Variants in CYP2B6 observed in about 807,000 individuals in gnomAD.
CYP2B6 encodes cytochrome P450 family 2 subfamily B member 6.
CYP2B6 carries 35 observed loss-of-function variants against 43.4 expected under a neutral mutation model. That is an observed-to-expected ratio of 0.81 (90% CI 0.62 to 1.07). The LOEUF (loss-of-function observed/expected upper bound fraction) is 1.07, where lower values mean the gene tolerates loss of function less well. Ranked by LOEUF, CYP2B6 falls within the 50% of genes least tolerant of loss-of-function variation. The pLI, the probability that CYP2B6 is intolerant of heterozygous loss-of-function variation, is 0.00. For missense variants in CYP2B6, 624 were observed against 632.8 expected (o/e 0.99, Z 0.15); for synonymous variants, 239 against 239.2 (o/e 1.00, Z 0.01).
At chr19:40,998,350 T>G (rs1041911051) in intron 1 of CYP2B6, among the ~76,000 whole-genome samples, 3 of 152,126 alleles carry the variant, frequency 2.0e-5, no homozygotes, top group Admixed American at 2.0e-4. Flanking sequence ...AATATCCCAA[T>G]CCTTTACAAA....
In CYP2B6 at chr19:41,009,432, G is replaced by A. The variant is rs140257232; in HGVS notation, c.822+37G>A. ...GAGAGGAAAAAGGGAAGGGAGGGGA[G>A]GGAGGGCAAGATGGAGAGGTGAGAA... On this transcript the variant is annotated intron_variant, in intron 5 of 8. Transcript: ENST00000324071. 2.0e-4 allele frequency: 289 copies of A among 1,473,718 alleles called. 4 individuals are homozygous for A. In the African/African-American group the frequency reaches 3.5e-3, roughly 18 times the overall value. The allele number at this position is 1,473,718 out of a possible 1,614,324, so 91.3% of individuals were successfully genotyped here. A position where few individuals can be genotyped will look rare whatever the true frequency, so the allele number is the denominator to read the frequency against.
chr19:41,004,044 C>T lies in CYP2B6; in HGVS notation c.215C>T (p.Pro72Leu), dbSNP rs750775491. 1.7e-5 allele frequency: 27 copies of T among 1,613,586 alleles called. No homozygotes were observed. The highest frequency in any genetic ancestry group is 3.3e-4 in the Middle Eastern group (2 of 6,062). ...YGDVFTVHLG[P>L]RPVVMLCGVE... is the part of the protein sequence containing the mutation. Reference sequence around the variant, plus strand: ...GACGTCTTCACGGTACACCTGGGACCGAGGCCCGTGGTCATGCTGTGTGGA... The same window carrying T: ...GACGTCTTCACGGTACACCTGGGACTGAGGCCCGTGGTCATGCTGTGTGGA... The change falls in exon 2 of 9, where the codon CCG becomes CTG. Residue 72 changes from proline (P) to leucine (L), a missense_variant. Transcript: ENST00000324071.
intron 3 of CYP2B6, among the ~76,000 whole-genome samples, chr19:41,005,691 G>A (rs1303142368): frequency 1.3e-5 from 2 of 151,904 alleles, no homozygotes; most frequent in African/African-American, 4.8e-5. Context: ...TGAGACAGGA[G>A]AATTGATTGA....
chr19:41,012,718 A>C lies in CYP2B6; in HGVS notation c.1197A>C (p.Pro399=). The stretch of plus-strand genomic sequence containing the variant: ...TCCTGAGCACTGCTCTCCATGACCC[A>C]CACTACTTTGAAAAACCAGACGCCT... ...FLILSTALHD[P]HYFEKPDAFN... Residue 399 remains proline (P), a synonymous_variant, in exon 8 of 9, where the codon CCA becomes CCC. Coordinates refer to ENST00000324071, the MANE Select transcript of CYP2B6 (RefSeq NM_000767.5). 2 of 1,614,102 alleles carry C rather than the reference A, an allele frequency of 1.2e-6. No homozygotes were observed. The highest frequency in any genetic ancestry group is 1.7e-6 in the Non-Finnish European group (2 of 1,180,010).
rs144121983 is a variant in CYP2B6, at chr19:40,998,262, G to A, written c.172-5739G>A. On this transcript the variant is annotated intron_variant, in intron 1 of 8. Coordinates refer to ENST00000324071, the MANE Select transcript of CYP2B6 (RefSeq NM_000767.5). ...CTATCTGGGCACAAATCATGCCTCT[G>A]TTAACAGAATTTGCTGTTCCTTCTA... 2.2e-3 allele frequency among the ~76,000 whole-genome samples: 336 copies of A among 152,216 alleles called. 5 individuals carry two copies. Among genetic ancestry groups the A allele is most frequent in the African/African-American group, 7.7e-3 (318 of 41,492 alleles).
chr19:41,002,697 A>T (rs1187973585), intron 1 of CYP2B6, among the ~76,000 whole-genome samples: 2 of 151,942 alleles, frequency 1.3e-5, no homozygotes, highest in Non-Finnish European at 2.9e-5. Flanking sequence ...TACAGGTGAG[A>T]GCCACCATGC....
In CYP2B6 at chr19:41,009,937, C is replaced by G. The variant is rs568591825; in HGVS notation, c.823-57C>G. The G allele has an allele frequency of 1.1e-4, 185 of 1,610,556 alleles. No individual in the cohort carries two copies. The African/African-American group carries it at 2.2e-3, about 19-fold the overall frequency. ...GGGCAGCCAGGGAGATGGGCGTATACACAGCAAGGCTACAGCCTCCCCTGA... is the reference window on the plus strand; with the variant it reads ...GGGCAGCCAGGGAGATGGGCGTATAGACAGCAAGGCTACAGCCTCCCCTGA... On this transcript the variant is annotated intron_variant, in intron 5 of 8. Coordinates refer to ENST00000324071, the MANE Select transcript of CYP2B6 (RefSeq NM_000767.5).
intron 8 of CYP2B6, among the ~76,000 whole-genome samples, 192 bp from the exon 9 acceptor site, chr19:41,016,454 G>A (rs146548437): frequency 4.3e-4 from 56 of 131,418 alleles, no homozygotes; most frequent in African/African-American, 1.5e-3. Context: ...AGAAATGAAC[G>A]TGGCACATCC....
intron 6 of CYP2B6, 112 bp from the exon 7 acceptor site, chr19:41,012,186 G>T: frequency 1.0e-6 from 1 of 986,244 alleles, no homozygotes; most frequent in East Asian, 2.6e-5. Context: ...CTGACCTCAA[G>T]GAATCCACCC....
intron 1 of CYP2B6, among the ~76,000 whole-genome samples, chr19:41,002,220 T>C (rs1418484383): frequency 2.0e-5 from 3 of 152,136 alleles, no homozygotes; most frequent in Admixed American, 1.3e-4. Context: ...TTACCCTGGC[T>C]TGTGGGGCAG....
intron 8 of CYP2B6, among the ~76,000 whole-genome samples, chr19:41,014,719 GAT>G (rs1390006062): frequency 9.7e-4 from 148 of 152,064 alleles, no homozygotes; most frequent in African/African-American, 3.5e-3. Flanking sequence ...AACACATAGA[GAT>G]AGAGATGGGG....
chr19:40,992,935 G>A (rs1305648273), intron 1 of CYP2B6, among the ~76,000 whole-genome samples: 1 of 152,074 alleles, frequency 6.6e-6, no homozygotes, highest in Non-Finnish European at 1.5e-5. Flanking sequence ...ATGTGGACTT[G>A]GGGGTATAGA....
chr19:40,994,275 G>A (rs1968966632), intron 1 of CYP2B6, among the ~76,000 whole-genome samples: 2 of 152,164 alleles, frequency 1.3e-5, no homozygotes, highest in Admixed American at 1.3e-4. Flanking sequence ...CTGGACCTGT[G>A]AGGAGAAAGA....
chr19:40,991,629 T>C (rs1968922002), intron 1 of CYP2B6, among the ~76,000 whole-genome samples, 153 bp downstream of exon 1: 1 of 151,782 alleles, frequency 6.6e-6, no homozygotes, highest in Non-Finnish European at 1.5e-5. Flanking sequence ...TGATGGGTGG[T>C]ATTATTAGGA....
Position 41,016,758 on chromosome 19 carries a change from T to A in CYP2B6, c.1407T>A (p.Asp469Glu), listed in dbSNP as rs199591919. The A allele has an allele frequency of 6.2e-7, 1 of 1,614,184 alleles. No individual in the cohort carries two copies. Among genetic ancestry groups the A allele is most frequent in the Non-Finnish European group, 8.5e-7 (1 of 1,180,028 alleles). ...MASPVAPEDI[D>E]LTPQECGVGK... ...GCCCCGTGGCCCCAGAAGACATCGA[T>A]CTGACACCCCAGGAGTGTGGTGTGG... Residue 469 changes from aspartate (D) to glutamate (E), a missense_variant, in exon 9 of 9, where the codon GAT becomes GAA. Asp to Glu is a conservative substitution (Grantham distance 45). Coordinates refer to ENST00000324071, the MANE Select transcript of CYP2B6 (RefSeq NM_000767.5).
In CYP2B6 at chr19:41,016,783, G is replaced by A; in HGVS notation, c.1432G>A (p.Gly478Ser). 1 of 1,614,110 alleles carries A rather than the reference G, an allele frequency of 6.2e-7. No homozygotes were observed. The highest frequency in any genetic ancestry group is 1.3e-5 in the African/African-American group (1 of 75,024). Residue 478 changes from glycine to serine, a missense_variant, in exon 9 of 9, where the codon GGC becomes AGC. By Grantham distance (56) the Gly-to-Ser change is moderately conservative (BLOSUM62 0). Coordinates refer to ENST00000324071, the MANE Select transcript of CYP2B6 (RefSeq NM_000767.5). ...IDLTPQECGV[G>S]KIPPTYQIRF... ...TCTGACACCCCAGGAGTGTGGTGTG[G>A]GCAAAATACCCCCAACATACCAGAT...
chr19:41,008,091 G>A (rs1191582752), intron 4 of CYP2B6, among the ~76,000 whole-genome samples: 150 of 151,580 alleles, frequency 9.9e-4, no homozygotes, highest in African/African-American at 3.5e-3. Context: ...TGTAAAGGCA[G>A]TCTTCTGCTC....
At chr19:41,005,399 T>C (rs1161741892) in intron 3 of CYP2B6, among the ~76,000 whole-genome samples, 1 of 151,818 alleles carries the variant, frequency 6.6e-6, no homozygotes, top group African/African-American at 2.4e-5. Flanking sequence ...CCAGGAGCTA[T>C]AGGGAAACGG....
rs1171619187 is a variant in CYP2B6 at position 40,991,442 on chromosome 19, T to C, written c.137T>C (p.Met46Thr). ...CCCCTTTTGGGAAACCTTCTGCAGA[T>C]GGATAGAAGAGGCCTACTCAAATCC... The part of the protein sequence containing the change: ...PLPLLGNLLQ[M>T]DRRGLLKSFL... Residue 46 changes from methionine (M) to threonine (T), a missense_variant, in exon 1 of 9, where the codon ATG (methionine) becomes ACG (threonine). Coordinates refer to ENST00000324071, the MANE Select transcript of CYP2B6 (RefSeq NM_000767.5). 5.6e-6 allele frequency: 9 copies of C among 1,613,860 alleles called. No homozygotes were observed. Among genetic ancestry groups the C allele is most frequent in the African/African-American group, 1.3e-5 (1 of 74,824 alleles).
Sources: gnomAD v4.1 joint callset for allele counts (sites outside exome capture counted in the v4.1 genomes callset) on GRCh38, gnomAD v4.1.1 for gene constraint, MANE v1.5 for transcripts, NCBI Gene and HGNC (gene_info 2026-07-23, HGNC 2026-07-21) for gene names.